The following MED13 variants were observed in gnomAD, a reference collection of about 807,000 sequenced individuals.
MED13 encodes mediator of RNA polymerase II transcription subunit 13.
In MED13, 23 loss-of-function variants were observed where a neutral mutation model predicts 225.2. The observed-to-expected ratio is 0.10, with a 90% CI of 0.07 to 0.14. MED13 has a LOEUF of 0.14. MED13 is among the 10% of genes least tolerant of loss of function. MED13 has a pLI of 1.00. For synonymous variants in MED13, 942 were observed against 889.2 expected, an observed-to-expected ratio of 1.06 and a Z score of -1.06; for missense variants, 2,197 against 2,594.5, an observed-to-expected ratio of 0.85 and a Z score of 3.33.
At position 61,986,727 on chromosome 17, in the gene MED13, A is replaced by G. The variant is rs567610954; in HGVS notation, c.2385+280T>C. 3.9e-5 allele frequency among the ~76,000 whole-genome samples: 6 copies of G among 152,300 alleles called. No homozygotes were observed. In the South Asian group the frequency reaches 1.2e-3, roughly 32 times the overall value. On this transcript the variant is annotated intron_variant, in intron 12 of 29. Coordinates refer to ENST00000397786, the MANE Select transcript of MED13 (RefSeq NM_005121.3). ...AATAATTCTGCTTCCTAAAACTACA[A>G]AACAGAACATACGGCAGAGCTCAAA...
At chr17:61,986,534 G>A (rs972727447) in intron 12 of MED13, among the ~76,000 whole-genome samples, 18 of 151,816 alleles carry the variant, frequency 1.2e-4, no homozygotes, top group African/African-American at 4.4e-4. Flanking sequence ...CTCTTTTATT[G>A]TTATATCATG....
At position 61,964,828 on chromosome 17, in the gene MED13, A is replaced by G. The variant is rs567028948; in HGVS notation, c.4844+178T>C. On this transcript the variant is annotated intron_variant, in intron 20 of 29. Coordinates refer to ENST00000397786, the MANE Select transcript of MED13 (RefSeq NM_005121.3). ...GCACATGCCTGTAATTCCAGCTACT[A>G]GGGAGGCTGAGGGAGGAGAATCACT... Among the ~76,000 whole-genome samples, 6 of 152,014 alleles carry G rather than the reference A, an allele frequency of 3.9e-5. No individual in the cohort carries two copies. The East Asian group carries it at 9.7e-4, about 25-fold the overall frequency.
At chr17:61,960,806 T>TA in intron 23 of MED13, 61 bp downstream of exon 23, 1 of 1,255,360 alleles carries the variant, frequency 8.0e-7, no homozygotes, top group Non-Finnish European at 1.1e-6. Flanking sequence ...TTCTATTCAT[T>TA]AAAAATGAAA....
intron 8 of MED13, among the ~76,000 whole-genome samples, chr17:62,015,933 TATATATATATATATATATATA>T (rs1458872059): frequency 6.7e-3 from 53 of 7,876 alleles, no homozygotes; most frequent in African/African-American, 0.013. Flanking sequence ...TATATATATA[TATATATATATATATATATATA>T]TTTTTTTTTT....
intron 6 of MED13, chr17:62,030,770 T>C (rs1352624048): frequency 6.6e-6 from 1 of 152,250 alleles, no homozygotes; most frequent in African/African-American, 2.4e-5. Context: ...AGGGCAGAGA[T>C]ATAAACTGTT....
intron 23 of MED13, among the ~76,000 whole-genome samples, chr17:61,958,119 C>G (rs1249992822): frequency 2.0e-5 from 3 of 152,076 alleles, no homozygotes; most frequent in African/African-American, 7.2e-5. Context: ...CCGCCTCGGC[C>G]TCCCAAAGTG....
At chr17:61,951,077 G>T in intron 27 of MED13, 79 bp from the exon 28 acceptor site, 1 of 1,103,404 alleles carries the variant, frequency 9.1e-7, no homozygotes, top group Non-Finnish European at 1.3e-6. Flanking sequence ...ATGGCTCATA[G>T]CAATCAGTCT....
In MED13 at chr17:61,965,283, A is replaced by C. The variant is rs777805601; in HGVS notation, c.4567T>G (p.Ser1523Ala). 16 of 1,614,214 alleles carry C rather than the reference A, an allele frequency of 9.9e-6. No homozygotes were observed. Among genetic ancestry groups the C allele is most frequent in the Middle Eastern group, 1.6e-4 (1 of 6,062 alleles). Residue 1523 changes from serine to alanine, a missense_variant, in exon 20 of 30, where the codon TCT (serine) becomes GCT (alanine). Ser to Ala is a moderately conservative substitution (Grantham distance 99). Around this residue, in one of 12 missense-constraint regions of MED13, gnomAD observed 457 missense variants for 442.2 expected, o/e 1.03. Transcript: ENST00000397786. ...TMTVTSGVAI[S>A]TSVATANSTL... ...GAATTAGCTGTGGCAACTGAAGTAG[A>C]TATGGCAACACCTGAAGTCACTGTC...
intron 18 of MED13, 106 bp from the exon 19 acceptor site, chr17:61,966,757 G>T: frequency 1.5e-6 from 1 of 672,164 alleles, no homozygotes; most frequent in Non-Finnish European, 2.2e-6. Flanking sequence ...TTAACCATTT[G>T]CAATTAACAG....
chr17:62,063,184 T>C lies in MED13; in HGVS notation c.184A>G (p.Lys62Glu), dbSNP rs980000492. Residue 62 changes from lysine (K) to glutamate (E), a missense_variant, in exon 2 of 30, where the codon AAG (lysine) becomes GAG (glutamate). Lys to Glu is a moderately conservative substitution (Grantham distance 56). Coordinates refer to ENST00000397786, the MANE Select transcript of MED13 (RefSeq NM_005121.3). The stretch of plus-strand genomic sequence containing the variant: ...CGCCAAACACCAAGTACATCTGCCT[T>C]AAGGCAGCGACTAAAACTGCTCAAA... ...PILSSFSRCL[K>E]ADVLGVWRRD... is the part of the protein sequence containing the mutation. The C allele has an allele frequency of 1.2e-6, 2 of 1,614,072 alleles. No individual in the cohort carries two copies. The highest frequency in any genetic ancestry group is 8.5e-7 in the Non-Finnish European group (1 of 1,180,026).
rs867776981 is a variant in MED13 at position 61,960,773 on chromosome 17, T to A, written c.5480+94A>T. ...AACCCCACATCTTAATATTTTAATA[T>A]ATATAAAACCTTCAAACTGGTTTTC... On this transcript the variant is annotated intron_variant, in intron 23 of 29. Transcript: ENST00000397786. 1.3e-4 allele frequency: 104 copies of A among 808,792 alleles called. No homozygotes were observed. In the African/African-American group the frequency reaches 1.7e-3, roughly 13 times the overall value. 50.1% of individuals were successfully genotyped at this position (808,792 alleles called of 1,614,324 possible).
At chr17:62,018,450 AC>A (rs376624389) in intron 8 of MED13, among the ~76,000 whole-genome samples, 1 of 152,288 alleles carries the variant, frequency 6.6e-6, no homozygotes, top group African/African-American at 2.4e-5. Flanking sequence ...CATGCCTGTA[AC>A]CCCAACACTT....
chr17:62,015,241 T>C (rs189981168), intron 8 of MED13, among the ~76,000 whole-genome samples: 1 of 152,330 alleles, frequency 6.6e-6, no homozygotes, highest in Admixed American at 6.5e-5. Context: ...TGTAAGAAGA[T>C]ATTCGTATTT....
intron 3 of MED13, among the ~76,000 whole-genome samples, chr17:62,047,554 G>C (rs1568000506): frequency 1.3e-5 from 2 of 152,020 alleles, no homozygotes; most frequent in Non-Finnish European, 2.9e-5. Flanking sequence ...GGGCCTGTTA[G>C]GGGATAGGGA....
chr17:62,049,278 T>C (rs941187997), intron 3 of MED13, among the ~76,000 whole-genome samples: 3 of 152,068 alleles, frequency 2.0e-5, no homozygotes, highest in Non-Finnish European at 4.4e-5. Flanking sequence ...TTATACAAAG[T>C]CCTTGAAGGT....
intron 4 of MED13, among the ~76,000 whole-genome samples, chr17:62,034,486 CAAA>C (rs11291859): frequency 9.3e-5 from 9 of 96,338 alleles, no homozygotes; most frequent in African/African-American, 1.1e-4. Flanking sequence ...GACTTCATCT[CAAA>C]AAAAAAAAAA....
intron 4 of MED13, 124 bp from the exon 5 acceptor site, chr17:62,034,108 T>C (rs1233565575): frequency 1.3e-6 from 1 of 741,244 alleles, no homozygotes; most frequent in East Asian, 2.7e-5. Context: ...GTAATAACCA[T>C]TCCAGAGAAA....
chr17:62,045,078 TG>T (rs1326838195), intron 3 of MED13, among the ~76,000 whole-genome samples: 2 of 152,240 alleles, frequency 1.3e-5, no homozygotes, highest in Non-Finnish European at 2.9e-5. Flanking sequence ...GTTGAGGGAA[TG>T]GGGTAAGATT....
At position 62,065,197 on chromosome 17, in the gene MED13, G is replaced by A. The variant is rs374931925; in HGVS notation, c.9C>T (p.Ala3=). The change falls in exon 1 of 30, where the codon GCC becomes GCT. Residue 3 remains alanine, a synonymous_variant. Coordinates refer to ENST00000397786, the MANE Select transcript of MED13 (RefSeq NM_005121.3). ...GGCTGGCCCCGTTCGGCACGAAGGA[G>A]GCACTCATCGTCCCTCACAGCAGCC... MS[A]SFVPNGASLE... is the part of the protein sequence containing the mutation. The A allele has an allele frequency of 1.2e-5, 19 of 1,575,314 alleles. No homozygotes were observed. The highest frequency in any genetic ancestry group is 1.5e-5 in the Non-Finnish European group (18 of 1,162,404).
Sources: gnomAD v4.1 joint callset for allele counts (sites outside exome capture counted in the v4.1 genomes callset) on GRCh38, gnomAD v4.1.1 for gene constraint, gnomAD v4.1.1 regional missense constraint, MANE v1.5 for transcripts, NCBI Gene and HGNC (gene_info 2026-07-23, HGNC 2026-07-21) for gene names.